Variants in TNPO1 observed in about 807,000 individuals in gnomAD.
TNPO1 encodes transportin 1.
In TNPO1, 8 loss-of-function variants were observed where a neutral mutation model predicts 119.5. The ratio of observed to expected loss-of-function variants is 0.07; its 90% CI spans 0.04 to 0.12. The LOEUF (loss-of-function observed/expected upper bound fraction) is 0.12, where lower values mean the gene tolerates loss of function less well. TNPO1 is among the 10% of genes least tolerant of loss of function. The probability of loss-of-function intolerance (pLI) is 1.00; values close to 1 mark genes in which losing one functional copy is unlikely to be tolerated. For missense variants in TNPO1, 576 were observed against 1,089.8 expected, an observed-to-expected ratio of 0.53 and a Z score of 6.64; for synonymous variants, 362 against 363.0, an observed-to-expected ratio of 1.00 and a Z score of 0.03.
At chr5:72,841,263 G>A (rs888658293) in intron 1 of TNPO1, among the ~76,000 whole-genome samples, 10 of 151,880 alleles carry the variant, frequency 6.6e-5, no homozygotes, top group South Asian at 4.2e-4. Context: ...GATTACAGGC[G>A]CCCGCTACCA....
At chr5:72,895,344 G>A (rs956377496) in intron 18 of TNPO1, among the ~76,000 whole-genome samples, 1 of 108,466 alleles carries the variant, frequency 9.2e-6, no homozygotes, top group African/African-American at 3.4e-5. Context: ...ATAGTGTCTA[G>A]TTGTCCCTCC....
At chr5:72,904,480 C>T (rs530809207) in intron 23 of TNPO1, among the ~76,000 whole-genome samples, 5 of 152,102 alleles carry the variant, frequency 3.3e-5, no homozygotes, top group Non-Finnish European at 7.4e-5. Flanking sequence ...GTGTATTAGT[C>T]CATATTCACG....
At position 72,862,248 on chromosome 5, in the gene TNPO1, T is replaced by C. The variant is rs181231668; in HGVS notation, c.462+334T>C. ...TGAAATTTACCAAATTCCTGGACCA[T>C]GAGTACTTTTTTAGCTTCTCTAAAT... On this transcript the variant is annotated intron_variant, in intron 5 of 24. Transcript: ENST00000337273. 2.3e-4 allele frequency: 40 copies of C among 171,474 alleles called. No individual in the cohort carries two copies. In the East Asian group the frequency reaches 3.1e-3, roughly 13 times the overall value. 10.6% of individuals were successfully genotyped at this position (171,474 alleles called of 1,614,324 possible).
At chr5:72,896,921 C>G in intron 19 of TNPO1, 135 bp from the exon 20 acceptor site, 14 of 446,368 alleles carry the variant, frequency 3.1e-5, no homozygotes, top group East Asian at 7.3e-5. Flanking sequence ...TTTGTAATTG[C>G]TTTAATTTTA....
chr5:72,848,194 C>G, intron 1 of TNPO1, 191 bp from the exon 2 acceptor site: 1 of 1,236,832 alleles, frequency 8.1e-7, no homozygotes, highest in Non-Finnish European at 1.0e-6. Context: ...GCCGGGCTGC[C>G]AGGAGCAGTT....
rs1326630070 is a variant in TNPO1 at position 72,911,348 on chromosome 5, T to C, written c.*2675T>C. On this transcript the variant is annotated 3_prime_UTR_variant, in exon 25 of 25. Coordinates refer to ENST00000337273, the MANE Select transcript of TNPO1 (RefSeq NM_002270.4). ...TTTTTTTTATTTAAATGAAATTTAA[T>C]TTGAAAATAGAAAATAAAATTAGGT... 1 of 152,390 alleles carries C rather than the reference T, an allele frequency of 6.6e-6. No individual in the cohort carries two copies. Among genetic ancestry groups the C allele is most frequent in the East Asian group, 1.9e-4 (1 of 5,194 alleles). The allele number at this position is 152,390 out of a possible 1,614,324, so 9.4% of individuals were successfully genotyped here. A position where few individuals can be genotyped will look rare whatever the true frequency, so the allele number is the denominator to read the frequency against.
At chr5:72,860,073 G>A (rs1580409213) in intron 4 of TNPO1, among the ~76,000 whole-genome samples, 1 of 151,998 alleles carries the variant, frequency 6.6e-6, no homozygotes, top group Non-Finnish European at 1.5e-5. Flanking sequence ...ATTTTTTTGT[G>A]TGTGGAGAAT....
chr5:72,866,433 A>G (rs1378607911), intron 6 of TNPO1, among the ~76,000 whole-genome samples: 1 of 152,164 alleles, frequency 6.6e-6, no homozygotes, highest in Non-Finnish European at 1.5e-5. Flanking sequence ...CAATATACAT[A>G]CTTCACTTTT....
chr5:72,883,046 C>A lies in TNPO1; in HGVS notation c.982-18C>A, dbSNP rs115115607. 6.2e-6 allele frequency: 10 copies of A among 1,601,068 alleles called. No individual in the cohort carries two copies. The highest frequency in any genetic ancestry group is 1.3e-5 in the African/African-American group (1 of 74,494). On this transcript the variant is annotated intron_variant, in intron 10 of 24. Transcript: ENST00000337273. ...CTATAATGAATGCCACCAAAAATTT[C>A]TCTTAAAAAAACAACAGGGTGATGT...
At chr5:72,848,239 G>A in intron 1 of TNPO1, 146 bp from the exon 2 acceptor site, 1 of 1,260,322 alleles carries the variant, frequency 7.9e-7, no homozygotes, top group Non-Finnish European at 1.0e-6. Context: ...TTCCTTCGGG[G>A]CACCTCAGGC....
chr5:72,822,381 G>A (rs149423066), intron 1 of TNPO1, among the ~76,000 whole-genome samples: 4 of 151,504 alleles, frequency 2.6e-5, no homozygotes, highest in Non-Finnish European at 4.4e-5. Context: ...AGTATGTATT[G>A]AGAAGGTTGT....
intron 5 of TNPO1, among the ~76,000 whole-genome samples, chr5:72,864,460 A>C (rs1746731260): frequency 6.6e-6 from 1 of 152,176 alleles, no homozygotes; most frequent in South Asian, 2.1e-4. Context: ...GTTATGTACA[A>C]AGTCTCTGGA....
rs955723030 is a variant in TNPO1 at position 72,913,139 on chromosome 5, GTAA to G, written c.*4472_*4474del. On this transcript the variant is annotated 3_prime_UTR_variant, in exon 25 of 25. Coordinates refer to ENST00000337273, the MANE Select transcript of TNPO1 (RefSeq NM_002270.4). ...GCTGTGTTGTTAACAATATTATCTG[GTAA>G]TAATACCATGCAATATAGCGTTGTA... The G allele has an allele frequency of 1.3e-5, 2 of 152,378 alleles. No individual in the cohort carries two copies. Among genetic ancestry groups the G allele is most frequent in the Non-Finnish European group, 2.9e-5 (2 of 67,910 alleles). 9.4% of individuals were successfully genotyped at this position (152,378 alleles called of 1,614,324 possible).
intron 8 of TNPO1, among the ~76,000 whole-genome samples, chr5:72,876,701 C>G (rs889043940): frequency 6.6e-6 from 1 of 152,146 alleles, no homozygotes; most frequent in African/African-American, 2.4e-5. Context: ...AAAAACTACA[C>G]AGAAACAATA....
At chr5:72,843,525 C>T (rs1348627374) in intron 1 of TNPO1, among the ~76,000 whole-genome samples, 1 of 150,356 alleles carries the variant, frequency 6.7e-6, no homozygotes, top group Non-Finnish European at 1.5e-5. Flanking sequence ...ACCTGAGAGG[C>T]GGACGTTGCA....
chr5:72,896,333 A>G, intron 18 of TNPO1, 125 bp from the exon 19 acceptor site: 1 of 514,350 alleles, frequency 1.9e-6, no homozygotes, highest in South Asian at 3.8e-5. Flanking sequence ...ATGTTGCAGT[A>G]ATTTTTTTAA....
At position 72,905,400 on chromosome 5, in the gene TNPO1, A is replaced by T; in HGVS notation, c.2687A>T (p.Tyr896Phe). Residue 896 changes from tyrosine (Y) to phenylalanine (F), a missense_variant, in exon 24 of 25, where the codon TAT (tyrosine) becomes TTT (phenylalanine). Physicochemically the swap from Tyr to Phe is conservative, Grantham distance 22 (BLOSUM62 3). Transcript: ENST00000337273. ...TTAAAAGAGCGTCTTGCAGCTTTTTATGGTGTTTAATCTAATACACTTAAG... is the reference window on the plus strand; with the variant it reads ...TTAAAAGAGCGTCTTGCAGCTTTTTTTGGTGTTTAATCTAATACACTTAAG... ...LPLKERLAAF[Y>F]GV is the part of the protein sequence containing the mutation. 1 of 1,610,224 alleles carries T rather than the reference A, an allele frequency of 6.2e-7. No individual in the cohort carries two copies. The highest frequency in any genetic ancestry group is 2.2e-5 in the East Asian group (1 of 44,838).
chr5:72,904,218 T>TA lies in TNPO1; in HGVS notation c.2589+436dup, dbSNP rs1338097731. 3.9e-5 allele frequency among the ~76,000 whole-genome samples: 6 copies of TA among 152,354 alleles called. No individual in the cohort carries two copies. The East Asian group carries it at 1.2e-3, about 29-fold the overall frequency. ...ACCACAGTAAAAAATAAAATGCAGT[T>TA]ACACATTTGAATCACCCAAGATTAA... On this transcript the variant is annotated intron_variant, in intron 23 of 24. Transcript: ENST00000337273.
chr5:72,870,017 G>C (rs1050262257), intron 6 of TNPO1, among the ~76,000 whole-genome samples: 1 of 152,136 alleles, frequency 6.6e-6, no homozygotes, highest in African/African-American at 2.4e-5. Context: ...CTTTCAGTAG[G>C]ACAGTAGGAA....
Sources: gnomAD v4.1 joint callset for allele counts (sites outside exome capture counted in the v4.1 genomes callset) on GRCh38, gnomAD v4.1.1 for gene constraint, MANE v1.5 for transcripts, NCBI Gene and HGNC (gene_info 2026-07-23, HGNC 2026-07-21) for gene names.